GOSR2: variants seen among roughly 807,000 people sequenced by gnomAD.
GOSR2 encodes the protein golgi SNAP receptor complex member 2.
A neutral mutation model predicts 27.9 loss-of-function variants in GOSR2; 20 were observed. The observed-to-expected ratio is 0.72, with a 90% CI of 0.50 to 1.04. The LOEUF (loss-of-function observed/expected upper bound fraction) is 1.04, where lower values mean the gene tolerates loss of function less well. Among genes scored for constraint, GOSR2 ranks in the 50% least tolerant of loss-of-function variants. GOSR2 has a pLI of 0.00. For missense variants in GOSR2, 261 were observed against 270.5 expected, an observed-to-expected ratio of 0.97 and a Z score of 0.25; for synonymous variants, 91 against 98.8, an observed-to-expected ratio of 0.92 and a Z score of 0.47.
downstream of GOSR2, among the ~76,000 whole-genome samples, chr17:46,971,484 C>T (rs1360973313): frequency 1.3e-5 from 2 of 152,134 alleles, no homozygotes; most frequent in Non-Finnish European, 2.9e-5. Flanking sequence ...GACCCAGTGC[C>T]CCACCCTAGC....
chr17:46,929,613 C>T, intron 2 of GOSR2, 29 bp downstream of exon 2: 1 of 1,131,628 alleles, frequency 8.8e-7, no homozygotes, highest in Middle Eastern at 2.0e-4. Flanking sequence ...AGACCAGAGT[C>T]CTTTCTCTGA....
chr17:46,946,782 G>C (rs1378707015), downstream of GOSR2, among the ~76,000 whole-genome samples: 1 of 152,214 alleles, frequency 6.6e-6, no homozygotes, highest in Non-Finnish European at 1.5e-5. Flanking sequence ...AGAATTGTTT[G>C]AACCCAGGAG....
intron 4 of GOSR2, 74 bp downstream of exon 4, chr17:46,932,273 C>T: frequency 1.3e-6 from 2 of 1,575,102 alleles, no homozygotes; most frequent in Non-Finnish European, 1.7e-6. Flanking sequence ...TCTCTGAGCG[C>T]CATCTGTTTT....
exon 7 of GOSR2, chr17:46,966,872 G>A (rs1371421784): frequency 2.5e-6 from 1 of 405,920 alleles, no homozygotes; most frequent in African/African-American, 2.1e-5. Flanking sequence ...TCTCTAAATG[G>A]CCATTATGCT....
chr17:46,947,948 T>C (rs1276735846), intron 6 of GOSR2, among the ~76,000 whole-genome samples: 1 of 152,202 alleles, frequency 6.6e-6, no homozygotes, highest in Non-Finnish European at 1.5e-5. Flanking sequence ...TTTCGTGTTT[T>C]TACTAGAGAC....
At chr17:46,950,377 A>G (rs568143394) in intron 6 of GOSR2, among the ~76,000 whole-genome samples, 31 of 152,172 alleles carry the variant, frequency 2.0e-4, no homozygotes, top group Non-Finnish European at 3.7e-4. Flanking sequence ...GATGGAGAGA[A>G]GGGGAGGGAA....
chr17:46,968,087 G>T (rs544762839), downstream of GOSR2, among the ~76,000 whole-genome samples: 39 of 152,150 alleles, frequency 2.6e-4, 1 homozygote, highest in South Asian at 7.3e-3. Flanking sequence ...GGGGCATATG[G>T]CATGGCCCAG....
chr17:46,929,164 C>T (rs1286868373), intron 1 of GOSR2, among the ~76,000 whole-genome samples: 1 of 152,118 alleles, frequency 6.6e-6, no homozygotes, highest in Non-Finnish European at 1.5e-5. Context: ...TGGCCGGGTT[C>T]AGTTTGAGGT....
chr17:46,924,699 G>A (rs1434628117), intron 1 of GOSR2, among the ~76,000 whole-genome samples: 1 of 152,170 alleles, frequency 6.6e-6, no homozygotes, highest in Non-Finnish European at 1.5e-5. Flanking sequence ...TGTAATGACA[G>A]AATTTTCTTT....
downstream of GOSR2, among the ~76,000 whole-genome samples, chr17:46,944,601 T>G (rs1011560147): frequency 7.3e-6 from 1 of 136,194 alleles, no homozygotes; most frequent in Admixed American, 7.5e-5. Flanking sequence ...CTTCAGAATT[T>G]TTAATTTTCT....
Position 46,940,461 on chromosome 17 carries a change from G to C in GOSR2, c.*1701G>C. The C allele has an allele frequency of 6.2e-7, 1 of 1,610,038 alleles. No homozygotes were observed. The highest frequency in any genetic ancestry group is 8.5e-7 in the Non-Finnish European group (1 of 1,179,716). On this transcript the variant is annotated 3_prime_UTR_variant, in exon 6 of 6. Coordinates refer to ENST00000640051, the MANE Select transcript of GOSR2 (RefSeq NM_004287.5). ...CACATTGACATTTCCATTACACACAGCACTGCTGCGGTGCCAGGGACCTAG... is the reference window on the plus strand; with the variant it reads ...CACATTGACATTTCCATTACACACACCACTGCTGCGGTGCCAGGGACCTAG...
chr17:46,934,911 ATTCT>A, intron 4 of GOSR2, 114 bp from the exon 5 acceptor site: 1 of 901,912 alleles, frequency 1.1e-6, no homozygotes, highest in Non-Finnish European at 1.9e-6. Flanking sequence ...GGGTCCGCTG[ATTCT>A]TTCACCAGCC....
At position 46,941,757 on chromosome 17, in the gene GOSR2, G is replaced by A. The variant is rs914079290; in HGVS notation, c.*2997G>A. The stretch of plus-strand genomic sequence containing the variant: ...TCTGGCTAATTTTTTTTTTTTTTTT[G>A]TATTTTTTAGTAGAGACAGGGTTTT... On this transcript the variant is annotated 3_prime_UTR_variant, in exon 6 of 6. Transcript: ENST00000640051. The A allele has an allele frequency of 7.8e-6, 1 of 128,568 alleles. No homozygotes were observed. Among genetic ancestry groups the A allele is most frequent in the Non-Finnish European group, 1.5e-5 (1 of 67,994 alleles). The allele number at this position is 128,568 out of a possible 1,614,324, so 8.0% of individuals were successfully genotyped here.
At chr17:46,928,029 G>A (rs1327535296) in intron 1 of GOSR2, among the ~76,000 whole-genome samples, 1 of 152,076 alleles carries the variant, frequency 6.6e-6, no homozygotes, top group Non-Finnish European at 1.5e-5. Context: ...CCCTGCTTCA[G>A]GTGTCGGCTA....
At position 46,953,143 on chromosome 17, in the gene GOSR2, C is replaced by T. The variant is rs370870219; in HGVS notation, c.584-13391C>T. 1.4e-4 allele frequency among the ~76,000 whole-genome samples: 21 copies of T among 151,940 alleles called. No individual in the cohort carries two copies. The East Asian group carries it at 3.7e-3, about 27-fold the overall frequency. On this transcript the variant is annotated intron_variant, in intron 6 of 6. Coordinates refer to the GOSR2 transcript ENST00000573224. ...ACATGTGCCATGTTGGTGTGCTGCA[C>T]CCATTAACTCGTCATTTAGCATTAG...
At chr17:46,970,278 C>A (rs1568220227), downstream of GOSR2, among the ~76,000 whole-genome samples, 1 of 152,098 alleles carries the variant, frequency 6.6e-6, no homozygotes, top group Non-Finnish European at 1.5e-5. Context: ...CGGTGGCTCA[C>A]GCCTGTAATC....
chr17:46,928,885 A>G (rs2086892032), intron 1 of GOSR2, among the ~76,000 whole-genome samples: 2 of 152,084 alleles, frequency 1.3e-5, no homozygotes, highest in African/African-American at 4.8e-5. Flanking sequence ...TTCCATCCAC[A>G]TAACTTACCT....
chr17:46,951,627 C>T lies in GOSR2; in HGVS notation c.583+12923C>T, dbSNP rs185998621. On this transcript the variant is annotated intron_variant, in intron 6 of 6. Transcript: ENST00000573224. ...TTGAGGCCACCCTACTCCATTCTTC[C>T]GGAACTTAGCATTGGAGAGCTTCCC... is the stretch of plus-strand genomic sequence containing the variant. Among the ~76,000 whole-genome samples the T allele has an allele frequency of 2.8e-4, 42 of 152,300 alleles. 1 individual carries two copies. Among genetic ancestry groups the T allele is most frequent in the South Asian group, 1.9e-3 (9 of 4,828 alleles).
intron 6 of GOSR2, among the ~76,000 whole-genome samples, chr17:46,973,257 A>C (rs1027991619): frequency 2.6e-5 from 4 of 151,952 alleles, no homozygotes; most frequent in East Asian, 2.0e-4. Context: ...CCACACAACC[A>C]GATGACAATC....
Sources: allele counts gnomAD v4.1 joint callset (sites outside exome capture counted in the v4.1 genomes callset), GRCh38; gene constraint gnomAD v4.1.1; transcripts MANE v1.5; gene names NCBI Gene and HGNC (gene_info 2026-07-23, HGNC 2026-07-21).